Variants in CACNA1E observed in about 807,000 individuals in gnomAD.
CACNA1E encodes the protein calcium voltage-gated channel subunit alpha1 E.
A neutral mutation model predicts 259.2 loss-of-function variants in CACNA1E; 40 were observed. The observed-to-expected ratio is 0.15, with a 90% confidence interval of 0.12 to 0.20. CACNA1E has a LOEUF of 0.20. CACNA1E is among the 10% of genes least tolerant of loss of function. CACNA1E has a pLI of 1.00. For missense variants in CACNA1E, 1,874 were observed against 3,040.1 expected, an observed-to-expected ratio of 0.62 and a Z score of 9.02; for synonymous variants, 1,104 against 1,138.5, an observed-to-expected ratio of 0.97 and a Z score of 0.61.
intron 6 of CACNA1E, among the ~76,000 whole-genome samples, chr1:181,593,856 C>T (rs752460014): frequency 6.6e-6 from 1 of 152,170 alleles, no homozygotes; most frequent in Non-Finnish European, 1.5e-5. Context: ...TTAACCTTTG[C>T]AAGTGTTAGG....
chr1:181,530,496 G>C (rs1313684511), intron 3 of CACNA1E, among the ~76,000 whole-genome samples: 2 of 152,188 alleles, frequency 1.3e-5, no homozygotes, highest in East Asian at 1.9e-4. Flanking sequence ...GTGTGTTGTA[G>C]TGGAAAGCCC....
chr1:181,593,505 A>G (rs1045015980), intron 6 of CACNA1E, among the ~76,000 whole-genome samples: 7 of 152,300 alleles, frequency 4.6e-5, no homozygotes, highest in African/African-American at 1.4e-4. Context: ...GGTGAAACCT[A>G]TGTTGCAGTT....
upstream of CACNA1E, among the ~76,000 whole-genome samples, chr1:181,479,141 G>C (rs778552598): frequency 2.0e-5 from 3 of 152,212 alleles, no homozygotes; most frequent in South Asian, 2.1e-4. Flanking sequence ...TAACTTGGGA[G>C]GGTGTGTGTG....
chr1:181,724,407 C>A lies in CACNA1E; in HGVS notation c.2075-63C>A, dbSNP rs935285466. ...CCAGGCAGGAAAGATTATCAGGTGG[C>A]CTCTCAGCCTTGCTGAAGACTTTTG... On this transcript the variant is annotated intron_variant, in intron 16 of 47. Transcript: ENST00000367573. 1.6e-5 allele frequency: 21 copies of A among 1,295,554 alleles called. No individual in the cohort carries two copies. In the African/African-American group the frequency reaches 2.5e-4, roughly 15 times the overall value. The allele number at this position is 1,295,554 out of a possible 1,614,324, so 80.3% of individuals were successfully genotyped here. A position where few individuals can be genotyped will look rare whatever the true frequency, so the allele number is the denominator to read the frequency against.
chr1:181,752,016 G>A (rs945585839), intron 26 of CACNA1E, 127 bp from the exon 27 acceptor site: 1 of 747,712 alleles, frequency 1.3e-6, no homozygotes, highest in Admixed American at 2.0e-5. Context: ...TCAGTTTCTG[G>A]CTTCTTGCCT....
chr1:181,582,454 C>G (rs571884935), intron 6 of CACNA1E, among the ~76,000 whole-genome samples: 33 of 152,282 alleles, frequency 2.2e-4, no homozygotes, highest in South Asian at 6.2e-4. Flanking sequence ...ACATGGAGGG[C>G]TTTGAGAGTG....
chr1:181,560,885 A>G (rs1649254710), intron 3 of CACNA1E, among the ~76,000 whole-genome samples: 1 of 152,256 alleles, frequency 6.6e-6, no homozygotes, highest in South Asian at 2.1e-4. Flanking sequence ...GTCTGAACAT[A>G]CAATGGAACA....
intron 32 of CACNA1E, among the ~76,000 whole-genome samples, chr1:181,762,011 TAGG>T (rs1189264132): frequency 2.6e-5 from 4 of 152,228 alleles, no homozygotes; most frequent in Non-Finnish European, 5.9e-5. Flanking sequence ...TCAATGGAGT[TAGG>T]AGGAGATTTT....
intron 7 of CACNA1E, among the ~76,000 whole-genome samples, chr1:181,707,394 T>G (rs998584236): frequency 2.0e-5 from 3 of 152,000 alleles, no homozygotes; most frequent in African/African-American, 7.2e-5. Flanking sequence ...GAGCCTACAA[T>G]GGCGAAGAAG....
At chr1:181,383,340 T>C (rs639350) in intron 1 of CACNA1E, among the ~76,000 whole-genome samples, 93,249 of 152,110 alleles carry the variant, frequency 0.61, 30,312 homozygotes, top group African/African-American at 0.84. Context: ...ATCCTTTGGA[T>C]GTGGTAGGTG....
intron 1 of CACNA1E, among the ~76,000 whole-genome samples, chr1:181,350,387 G>A (rs534604336): frequency 6.6e-6 from 1 of 152,280 alleles, no homozygotes; most frequent in Non-Finnish European, 1.5e-5. Flanking sequence ...ATCAAGTGGA[G>A]CCCTGCTCCT....
chr1:181,631,043 C>T (rs956591787), intron 6 of CACNA1E, among the ~76,000 whole-genome samples: 4 of 152,190 alleles, frequency 2.6e-5, no homozygotes, highest in African/African-American at 9.7e-5. Context: ...GGTTTTTCAC[C>T]CTCAGCCCCA....
At chr1:181,447,621 T>G (rs990074383) in intron 2 of CACNA1E, among the ~76,000 whole-genome samples, 8 of 152,180 alleles carry the variant, frequency 5.3e-5, no homozygotes, top group Non-Finnish European at 1.0e-4. Flanking sequence ...TGACCACAAA[T>G]TTAGTAGTTT....
chr1:181,326,021 G>A (rs977439920), intron 1 of CACNA1E, among the ~76,000 whole-genome samples: 5 of 152,144 alleles, frequency 3.3e-5, no homozygotes, highest in African/African-American at 4.8e-5. Flanking sequence ...CCGCTCCGCC[G>A]CCGGTTTCCT....
rs188491707 is a variant in CACNA1E at position 181,466,414 on chromosome 1, G to A, written c.435-17330G>A. 4.9e-3 allele frequency among the ~76,000 whole-genome samples: 740 copies of A among 152,220 alleles called. 2 individuals carry two copies. The highest frequency in any genetic ancestry group is 0.015 in the African/African-American group (617 of 41,530). On this transcript the variant is annotated intron_variant, in intron 2 of 11. Coordinates refer to the CACNA1E transcript ENST00000524607. Reference sequence around the variant, plus strand: ...AAAAAAAATTAAGCCTTGTGTGGGTGGCGTGTGCCTGTGGTCCCAGCTACT... The same window carrying A: ...AAAAAAAATTAAGCCTTGTGTGGGTAGCGTGTGCCTGTGGTCCCAGCTACT...
chr1:181,661,065 G>T (rs1039297989), intron 7 of CACNA1E, among the ~76,000 whole-genome samples: 3 of 152,182 alleles, frequency 2.0e-5, no homozygotes, highest in African/African-American at 7.2e-5. Context: ...TGACAGTGGT[G>T]TGTGCCTTTG....
At chr1:181,504,815 A>C (rs1205891661) in intron 1 of CACNA1E, among the ~76,000 whole-genome samples, 6 of 152,226 alleles carry the variant, frequency 3.9e-5, no homozygotes, top group Admixed American at 1.3e-4. Context: ...AAAGGAGATA[A>C]ATCAATAAGT....
intron 2 of CACNA1E, among the ~76,000 whole-genome samples, chr1:181,442,976 G>C (rs1035512076): frequency 3.3e-5 from 5 of 152,118 alleles, no homozygotes; most frequent in Admixed American, 1.3e-4. Context: ...GTGCAGGAGG[G>C]GCAGAATTCT....
At chr1:181,511,140 G>A (rs1291428155) in intron 2 of CACNA1E, among the ~76,000 whole-genome samples, 1 of 152,136 alleles carries the variant, frequency 6.6e-6, no homozygotes, top group African/African-American at 2.4e-5. Context: ...TCTAGCCCCT[G>A]GGTGTGACCC....
Sources: allele counts gnomAD v4.1 joint callset (sites outside exome capture counted in the v4.1 genomes callset), GRCh38; gene constraint gnomAD v4.1.1; transcripts MANE v1.5; gene names NCBI Gene and HGNC (gene_info 2026-07-23, HGNC 2026-07-21).